The following SNAP23 variants were observed in gnomAD, a reference collection of about 807,000 sequenced individuals.
The protein encoded by SNAP23 is synaptosome associated protein 23.
A neutral mutation model predicts 29.0 loss-of-function variants in SNAP23; 11 were observed. That is an observed-to-expected ratio of 0.38 (90% confidence interval 0.24 to 0.63). The LOEUF (loss-of-function observed/expected upper bound fraction) is 0.63, where lower values mean the gene tolerates loss of function less well. Ranked by LOEUF, SNAP23 falls within the 20% of genes least tolerant of loss-of-function variation. The probability of loss-of-function intolerance (pLI) is 0.58; values close to 1 mark genes in which losing one functional copy is unlikely to be tolerated. For synonymous variants in SNAP23, 60 were observed against 82.9 expected (o/e 0.72, Z 1.50); for missense variants, 220 against 253.9 (o/e 0.87, Z 0.91).
rs146015128 is a variant in SNAP23, at chr15:42,531,596, AAGAAGGGCCAG to A, written c.*121_*131del. Reference sequence around the variant, plus strand: ...CTCTTCTAATTGGGAGATAATATGGAAGAAGGGCCAGAGCAGTTACAGCCCTCCTTCTTTTT... The same window carrying A: ...CTCTTCTAATTGGGAGATAATATGGAAGCAGTTACAGCCCTCCTTCTTTTT... On this transcript the variant is annotated 3_prime_UTR_variant, in exon 8 of 8. Transcript: ENST00000249647. The A allele has an allele frequency of 1.1e-3, 753 of 705,552 alleles. 6 individuals carry two copies. The African/African-American group carries it at 0.012, about 12-fold the overall frequency. 43.7% of individuals were successfully genotyped at this position (705,552 alleles called of 1,614,324 possible). A position where few individuals can be genotyped will look rare whatever the true frequency, so the allele number is the denominator to read the frequency against.
At chr15:42,522,900 T>C (rs138212635) in intron 5 of SNAP23, among the ~76,000 whole-genome samples, 1,407 of 138,086 alleles carry the variant, frequency 0.01, 31 homozygotes, top group African/African-American at 0.036. Context: ...GGCTAGAGTA[T>C]AGTGGCTCAG....
At chr15:42,495,051 G>T (rs1374279219), upstream of SNAP23, among the ~76,000 whole-genome samples, 1 of 152,184 alleles carries the variant, frequency 6.6e-6, no homozygotes, top group East Asian at 1.9e-4. Flanking sequence ...TTAGCACTAA[G>T]CCTCTAACAA....
chr15:42,507,994 C>T (rs1426575037), intron 1 of SNAP23, among the ~76,000 whole-genome samples: 1 of 152,034 alleles, frequency 6.6e-6, no homozygotes, highest in Non-Finnish European at 1.5e-5. Flanking sequence ...GGTAGCTCAT[C>T]CCTGTAATTC....
chr15:42,495,370 G>T (rs1260922604), upstream of SNAP23: 4 of 152,376 alleles, frequency 2.6e-5, no homozygotes, highest in African/African-American at 9.6e-5. Context: ...AGCAGGGAAA[G>T]CACTGTATTC....
At chr15:42,513,804 G>A (rs1460711178) in intron 4 of SNAP23, among the ~76,000 whole-genome samples, 2 of 151,008 alleles carry the variant, frequency 1.3e-5, no homozygotes, top group African/African-American at 4.9e-5. Flanking sequence ...ACGGAGTTTC[G>A]CTATTTTTGT....
At chr15:42,525,445 A>G (rs1482791562) in intron 5 of SNAP23, among the ~76,000 whole-genome samples, 7 of 91,392 alleles carry the variant, frequency 7.7e-5, no homozygotes, top group Non-Finnish European at 1.4e-4. Flanking sequence ...TCAAAGATCC[A>G]GTCTTCTTTT....
At chr15:42,504,259 T>C (rs1279327551) in intron 1 of SNAP23, among the ~76,000 whole-genome samples, 2 of 152,060 alleles carry the variant, frequency 1.3e-5, no homozygotes, top group Non-Finnish European at 2.9e-5. Context: ...GGAGAATCAC[T>C]TGAACCCTGG....
intron 5 of SNAP23, 62 bp downstream of exon 5, chr15:42,515,416 C>A: frequency 1.1e-6 from 1 of 947,884 alleles, no homozygotes; most frequent in Non-Finnish European, 1.7e-6. Context: ...CTTCTCCCAC[C>A]AGCTAAGGTC....
intron 4 of SNAP23, 108 bp from the exon 5 acceptor site, chr15:42,515,129 G>A (rs1385709172): frequency 4.4e-6 from 3 of 674,824 alleles, no homozygotes; most frequent in Admixed American, 4.9e-5. Flanking sequence ...TCACTGTGGG[G>A]AGTTATTGGT....
intron 4 of SNAP23, among the ~76,000 whole-genome samples, chr15:42,514,125 T>C (rs186355970): frequency 0.017 from 2,452 of 143,762 alleles, 28 homozygotes; most frequent in South Asian, 0.026. Context: ...TTTTGTTTTG[T>C]TTTGTTTTGT....
chr15:42,499,836 C>G (rs2057253392), intron 1 of SNAP23, among the ~76,000 whole-genome samples: 1 of 152,272 alleles, frequency 6.6e-6, no homozygotes, highest in South Asian at 2.1e-4. Context: ...GCAAAGTTTA[C>G]TGGTTCCACC....
At chr15:42,502,858 A>G (rs951041710) in intron 1 of SNAP23, among the ~76,000 whole-genome samples, 1 of 152,230 alleles carries the variant, frequency 6.6e-6, no homozygotes, top group Non-Finnish European at 1.5e-5. Flanking sequence ...CACTTAGAGT[A>G]GAATTGTGGA....
chr15:42,526,438 A>G (rs2057503413), intron 5 of SNAP23, among the ~76,000 whole-genome samples: 1 of 152,196 alleles, frequency 6.6e-6, no homozygotes, highest in Non-Finnish European at 1.5e-5. Flanking sequence ...GTGTTCATAA[A>G]TTTGCCTTTG....
In SNAP23 at chr15:42,531,593, T is replaced by C; in HGVS notation, c.*115T>C. On this transcript the variant is annotated 3_prime_UTR_variant, in exon 8 of 8. Coordinates refer to ENST00000249647, the MANE Select transcript of SNAP23 (RefSeq NM_003825.4). ...ACGCTCTTCTAATTGGGAGATAATA[T>C]GGAAGAAGGGCCAGAGCAGTTACAG... The C allele has an allele frequency of 1.4e-6, 1 of 735,140 alleles. No homozygotes were observed. The highest frequency in any genetic ancestry group is 2.2e-6 in the Non-Finnish European group (1 of 452,300). 45.5% of individuals were successfully genotyped at this position (735,140 alleles called of 1,614,324 possible).
At chr15:42,502,217 G>A (rs1203910756) in intron 1 of SNAP23, among the ~76,000 whole-genome samples, 1 of 76,006 alleles carries the variant, frequency 1.3e-5, no homozygotes, top group East Asian at 2.0e-4. Context: ...TAGTAGAGAC[G>A]GTTTCACCTT....
At chr15:42,514,824 T>C (rs1056151126) in intron 4 of SNAP23, among the ~76,000 whole-genome samples, 14 of 149,588 alleles carry the variant, frequency 9.4e-5, no homozygotes, top group African/African-American at 3.4e-4. Context: ...TGCCTCAGCC[T>C]CCCAGGTAGC....
chr15:42,500,606 T>A (rs867690669), intron 1 of SNAP23, among the ~76,000 whole-genome samples: 1 of 152,014 alleles, frequency 6.6e-6, no homozygotes, highest in Admixed American at 6.6e-5. Context: ...GCCAGGCTGG[T>A]CTCAAACTCC....
upstream of SNAP23, among the ~76,000 whole-genome samples, chr15:42,492,385 A>C (rs1344577852): frequency 6.6e-6 from 1 of 152,104 alleles, no homozygotes; most frequent in Non-Finnish European, 1.5e-5. Flanking sequence ...CGTCTCAAAT[A>C]AAAGTAAGCA....
At chr15:42,521,572 C>T in intron 5 of SNAP23, 1 of 1,529,870 alleles carries the variant, frequency 6.5e-7, no homozygotes, top group Non-Finnish European at 8.7e-7. Context: ...TTCATTCTCT[C>T]ACCTAATCTC....
Sources: allele counts gnomAD v4.1 joint callset (sites outside exome capture counted in the v4.1 genomes callset), GRCh38; gene constraint gnomAD v4.1.1; transcripts MANE v1.5; gene names NCBI Gene and HGNC (gene_info 2026-07-23, HGNC 2026-07-21).